The following TAOK3 variants were observed in gnomAD, a reference collection of about 807,000 sequenced individuals.
TAOK3 encodes TAO kinase 3.
A neutral mutation model predicts 120.4 loss-of-function variants in TAOK3; 40 were observed. The observed-to-expected ratio is 0.33, with a 90% CI of 0.26 to 0.43. The LOEUF is 0.43. Among genes scored for constraint, TAOK3 ranks in the 20% least tolerant of loss-of-function variants. The pLI is 1.00. For missense variants in TAOK3, 821 were observed against 1,112.1 expected (o/e 0.74, Z 3.72); for synonymous variants, 355 against 387.5 (o/e 0.92, Z 0.99).
At chr12:118,357,088 A>G (rs1183268197) in intron 1 of TAOK3, among the ~76,000 whole-genome samples, 1 of 152,226 alleles carries the variant, frequency 6.6e-6, no homozygotes, top group Non-Finnish European at 1.5e-5. Flanking sequence ...CATGAAATGT[A>G]TTCATAAGAT....
At chr12:118,310,887 C>T (rs1021582771) in intron 1 of TAOK3, among the ~76,000 whole-genome samples, 6 of 152,072 alleles carry the variant, frequency 3.9e-5, no homozygotes, top group Non-Finnish European at 7.4e-5. Flanking sequence ...AGTGGGAAAA[C>T]TAATCACATT....
At chr12:118,353,350 G>A (rs1378861423) in intron 1 of TAOK3, among the ~76,000 whole-genome samples, 1 of 152,136 alleles carries the variant, frequency 6.6e-6, no homozygotes, top group East Asian at 1.9e-4. Context: ...AGGGCTTTTT[G>A]GGTGAAGTAA....
At chr12:118,170,969 C>G (rs2035962947) in intron 17 of TAOK3, among the ~76,000 whole-genome samples, 1 of 152,160 alleles carries the variant, frequency 6.6e-6, no homozygotes, top group South Asian at 2.1e-4. Flanking sequence ...CTCATGTAGG[C>G]TAACACTGGG....
intron 9 of TAOK3, among the ~76,000 whole-genome samples, chr12:118,219,571 T>G (rs1375451948): frequency 6.6e-6 from 1 of 152,088 alleles, no homozygotes; most frequent in Non-Finnish European, 1.5e-5. Flanking sequence ...TTATATTTTT[T>G]GCTTTCTTCC....
chr12:118,225,906 CT>C (rs1483851801), intron 9 of TAOK3, among the ~76,000 whole-genome samples: 5 of 152,156 alleles, frequency 3.3e-5, no homozygotes, highest in Non-Finnish European at 7.3e-5. Flanking sequence ...GCAATTTCAA[CT>C]TTCAATGCAT....
rs148385337 is a variant in TAOK3, at chr12:118,325,094, T to C, written c.-194+47554A>G. Among the ~76,000 whole-genome samples, 350 of 152,338 alleles carry C rather than the reference T, an allele frequency of 2.3e-3. 4 individuals carry two copies. Among genetic ancestry groups the C allele is most frequent in the East Asian group, 0.016 (84 of 5,180 alleles). The stretch of plus-strand genomic sequence containing the variant: ...GCTCAATAATAATCCACTGTGTTTA[T>C]GTGCCACATTTTCTTTATCCATTCA... On this transcript the variant is annotated intron_variant, in intron 1 of 20. Transcript: ENST00000392533.
intron 7 of TAOK3, chr12:118,236,270 C>G (rs189392369): frequency 7.2e-5 from 11 of 152,402 alleles, no homozygotes; most frequent in Admixed American, 3.9e-4. Flanking sequence ...AAAAATAACT[C>G]TGTACAGTAA....
At chr12:118,257,575 GA>G (rs1222995555) in intron 2 of TAOK3, among the ~76,000 whole-genome samples, 10 of 151,486 alleles carry the variant, frequency 6.6e-5, no homozygotes, top group Non-Finnish European at 8.8e-5. Flanking sequence ...TTTCTTCTTT[GA>G]CCAACTAGAT....
At chr12:118,321,603 C>T (rs753576100) in intron 1 of TAOK3, among the ~76,000 whole-genome samples, 1 of 152,144 alleles carries the variant, frequency 6.6e-6, no homozygotes, top group Non-Finnish European at 1.5e-5. Flanking sequence ...AGTCATTTTG[C>T]CTTCGACTCA....
chr12:118,327,199 C>A (rs554629217), intron 1 of TAOK3, among the ~76,000 whole-genome samples: 6 of 152,118 alleles, frequency 3.9e-5, no homozygotes, highest in Non-Finnish European at 8.8e-5. Flanking sequence ...CTAACTCCAC[C>A]CTATCACCAC....
chr12:118,282,933 G>C (rs1238978000), intron 1 of TAOK3, among the ~76,000 whole-genome samples: 1 of 152,130 alleles, frequency 6.6e-6, no homozygotes, highest in Non-Finnish European at 1.5e-5. Flanking sequence ...ATCCAAAATA[G>C]GATAGTGTTC....
intron 1 of TAOK3, among the ~76,000 whole-genome samples, chr12:118,313,820 A>G (rs897473509): frequency 2.0e-5 from 3 of 152,252 alleles, no homozygotes; most frequent in South Asian, 2.1e-4. Context: ...GGAATAAGTA[A>G]TTATGGATTT....
intron 1 of TAOK3, among the ~76,000 whole-genome samples, chr12:118,279,492 C>T (rs1463219733): frequency 2.0e-5 from 3 of 150,894 alleles, no homozygotes; most frequent in East Asian, 1.9e-4. Flanking sequence ...TTCGCCAGGT[C>T]CTATGTCCAG....
At chr12:118,239,363 A>T in intron 5 of TAOK3, 91 bp from the exon 6 acceptor site, 1 of 705,368 alleles carries the variant, frequency 1.4e-6, no homozygotes, top group East Asian at 2.8e-5. Flanking sequence ...AACTAAGAAT[A>T]CTAGGTGAAT....
At chr12:118,168,982 TTCCTTCCTTCCTTCCTTCC>T (rs1366299167) in intron 17 of TAOK3, among the ~76,000 whole-genome samples, 6 of 146,564 alleles carry the variant, frequency 4.1e-5, no homozygotes, top group South Asian at 2.2e-4. Flanking sequence ...CCTTCCTTCC[TTCCTTCCTTCCTTCCTTCC>T]TTTCTTTCTT....
intron 11 of TAOK3, among the ~76,000 whole-genome samples, chr12:118,204,857 C>A (rs1170449755): frequency 6.6e-6 from 1 of 151,938 alleles, no homozygotes. Context: ...TGGCAAACCC[C>A]CATCTCTACT....
chr12:118,161,750 T>C lies in TAOK3; in HGVS notation c.2139+38A>G, dbSNP rs1369692755. The C allele has an allele frequency of 1.9e-6, 3 of 1,606,574 alleles. No individual in the cohort carries two copies. Among genetic ancestry groups the C allele is most frequent in the Non-Finnish European group, 2.6e-6 (3 of 1,174,646 alleles). ...CTGACACTTCAGGTAGAGAAACCAC[T>C]GATCTGGTCCAACACTGTCCAGCAG... On this transcript the variant is annotated intron_variant, in intron 18 of 20. Transcript: ENST00000392533. The surrounding 1 kb of genome is among the most constrained non-coding windows in gnomAD (Gnocchi z 4.5).
chr12:118,309,437 C>T (rs2043182236), intron 1 of TAOK3, among the ~76,000 whole-genome samples: 3 of 151,746 alleles, frequency 2.0e-5, no homozygotes. Flanking sequence ...TAAGTTGCAT[C>T]TCTTCAATTT....
At chr12:118,278,205 G>A (rs933026177) in intron 1 of TAOK3, among the ~76,000 whole-genome samples, 3 of 152,000 alleles carry the variant, frequency 2.0e-5, no homozygotes, top group Non-Finnish European at 4.4e-5. Flanking sequence ...TAGGTACATT[G>A]CACAGGGGTT....
Sources: allele counts gnomAD v4.1 joint callset (sites outside exome capture counted in the v4.1 genomes callset), GRCh38; gene constraint gnomAD v4.1.1; non-coding constraint Gnocchi (gnomAD v3.1); transcripts MANE v1.5; gene names NCBI Gene and HGNC (gene_info 2026-07-23, HGNC 2026-07-21).